Variants in TMEM232 observed in about 807,000 individuals in gnomAD.
TMEM232 encodes the protein transmembrane protein 232.
Under a neutral mutation model 78.8 loss-of-function variants are expected in TMEM232, and 80 were observed. The observed-to-expected ratio is 1.01, with a 90% CI of 0.85 to 1.22. The LOEUF (loss-of-function observed/expected upper bound fraction) is 1.22. TMEM232 is among the 50% of genes most tolerant of loss of function. TMEM232 has a pLI of 0.00. For synonymous variants in TMEM232, 297 were observed against 254.3 expected (o/e 1.17, Z -1.60); for missense variants, 881 against 742.2 (o/e 1.19, Z -2.17).
At chr5:110,627,945 A>G (rs1784626975) in intron 5 of TMEM232, 65 bp from the exon 6 acceptor site, 2 of 1,074,724 alleles carry the variant, frequency 1.9e-6, no homozygotes, top group Non-Finnish European at 2.7e-6. Flanking sequence ...AAACCATAAG[A>G]AAAATCAACC....
intron 12 of TMEM232, among the ~76,000 whole-genome samples, chr5:110,455,470 T>G (rs1314784296): frequency 6.6e-6 from 1 of 151,968 alleles, no homozygotes; most frequent in Non-Finnish European, 1.5e-5. Flanking sequence ...CTCCACCTCT[T>G]GCGTTCAAGC....
intron 10 of TMEM232, among the ~76,000 whole-genome samples, chr5:110,586,529 A>T (rs1185139162): frequency 6.6e-6 from 1 of 151,918 alleles, no homozygotes; most frequent in Non-Finnish European, 1.5e-5. Context: ...TACATTTATG[A>T]AATATCAGCA....
At chr5:110,548,857 T>G (rs1472594823) in intron 11 of TMEM232, among the ~76,000 whole-genome samples, 4 of 152,076 alleles carry the variant, frequency 2.6e-5, no homozygotes, top group Non-Finnish European at 4.4e-5. Flanking sequence ...TAGTTATATT[T>G]ATTCACAACA....
At chr5:110,556,360 C>CTTT (rs1561682567) in intron 11 of TMEM232, among the ~76,000 whole-genome samples, 5 of 136,034 alleles carry the variant, frequency 3.7e-5, no homozygotes, top group Non-Finnish European at 3.2e-5. Context: ...CTTCCCTTCC[C>CTTT]CTTCCTTCCT....
At position 110,721,191 on chromosome 5, in the gene TMEM232, AAC is replaced by A. The variant is rs1254832601; in HGVS notation, c.-13+5434_-13+5435del. Among the ~76,000 whole-genome samples the A allele has an allele frequency of 5.9e-5, 9 of 152,242 alleles. No homozygotes were observed. The South Asian group carries it at 1.2e-3, about 21-fold the overall frequency. Reference sequence around the variant, plus strand: ...TAACCTCCTGAATGTAAAAATAATAAACAGTTTCATGGGGCAGTCTTTTACAC... The same window carrying A: ...TAACCTCCTGAATGTAAAAATAATAAAGTTTCATGGGGCAGTCTTTTACAC... On this transcript the variant is annotated intron_variant, in intron 1 of 13. Coordinates refer to ENST00000455884, the MANE Select transcript of TMEM232 (RefSeq NM_001039763.4).
intron 1 of TMEM232, among the ~76,000 whole-genome samples, chr5:110,692,812 C>T (rs146059237): frequency 0.012 from 1,791 of 152,306 alleles, 46 homozygotes; most frequent in African/African-American, 0.04. Context: ...GAAGCTTGAA[C>T]TGGGTAGAGC....
At chr5:110,443,928 G>T (rs1387715969) in intron 12 of TMEM232, among the ~76,000 whole-genome samples, 1 of 152,166 alleles carries the variant, frequency 6.6e-6, no homozygotes, top group African/African-American at 2.4e-5. Flanking sequence ...CCAGTACCCT[G>T]TGCTACTGTG....
Position 110,568,624 on chromosome 5 carries a change from A to C in TMEM232, c.1278T>G (p.Cys426Trp). The C allele has an allele frequency of 6.5e-7, 1 of 1,527,282 alleles. No homozygotes were observed. Among genetic ancestry groups the C allele is most frequent in the Non-Finnish European group, 8.8e-7 (1 of 1,140,304 alleles). The allele number at this position is 1,527,282 out of a possible 1,614,324, so 94.6% of individuals were successfully genotyped here. The change falls in exon 11 of 14, where the codon TGT becomes TGG. Residue 426 changes from cysteine to tryptophan, a missense_variant and splice_region_variant. Cys to Trp is a radical substitution (Grantham distance 215). Coordinates refer to ENST00000455884, the MANE Select transcript of TMEM232 (RefSeq NM_001039763.4). ...EYFSSKMSEN[C>W]DQVVWTGYYG... ...AGTAACCAGTCCAGACTACTTGATC[A>C]CCTGTTTAAAAAGAAAAAGTCTTTG...
chr5:110,552,764 A>G lies in TMEM232; in HGVS notation c.1455+15683T>C, dbSNP rs76526483. Among the ~76,000 whole-genome samples, 1,498 of 152,142 alleles carry G rather than the reference A, an allele frequency of 9.8e-3. 28 individuals carry two copies. Among genetic ancestry groups the G allele is most frequent in the African/African-American group, 0.034 (1,422 of 41,470 alleles). On this transcript the variant is annotated intron_variant, in intron 11 of 13. Transcript: ENST00000455884. ...TATATCTGCAAATATATAATTTATC[A>G]TTAAACATAATTAAGAGAATGAAAA...
chr5:110,540,934 A>G (rs570229063), intron 11 of TMEM232, among the ~76,000 whole-genome samples: 3 of 152,216 alleles, frequency 2.0e-5, no homozygotes, highest in Non-Finnish European at 2.9e-5. Context: ...GGCCATAGCT[A>G]TAATTCATTG....
intron 1 of TMEM232, among the ~76,000 whole-genome samples, chr5:110,697,029 G>A (rs558401310): frequency 8.6e-5 from 13 of 152,018 alleles, no homozygotes; most frequent in African/African-American, 3.1e-4. Context: ...GAGGCATCAC[G>A]CTACCTGACT....
In TMEM232 at chr5:110,672,809, T is replaced by A. The variant is rs528640996; in HGVS notation, c.-12-5445A>T. Among the ~76,000 whole-genome samples, 694 of 152,134 alleles carry A rather than the reference T, an allele frequency of 4.6e-3. 1 individual carries two copies. Among genetic ancestry groups the A allele is most frequent in the Non-Finnish European group, 8.1e-3 (552 of 68,002 alleles). On this transcript the variant is annotated intron_variant, in intron 1 of 13. Coordinates refer to ENST00000455884, the MANE Select transcript of TMEM232 (RefSeq NM_001039763.4). ...AAGCTTGGAGCTATCAGCAAAAGAA[T>A]TTAGTACTATTATTTTTATTGTTAT...
chr5:110,608,196 A>T (rs1024041340), intron 8 of TMEM232, among the ~76,000 whole-genome samples: 3 of 152,000 alleles, frequency 2.0e-5, no homozygotes, highest in African/African-American at 7.2e-5. Context: ...TTACTTGTCT[A>T]TAAAGAAAAT....
intron 12 of TMEM232, among the ~76,000 whole-genome samples, chr5:110,495,827 T>G (rs912268269): frequency 6.6e-6 from 1 of 151,608 alleles, no homozygotes; most frequent in Non-Finnish European, 1.5e-5. Context: ...GGTTTTTTTT[T>G]AATAATGATA....
At chr5:110,508,056 A>C (rs17132176) in intron 12 of TMEM232, among the ~76,000 whole-genome samples, 20 of 152,182 alleles carry the variant, frequency 1.3e-4, no homozygotes, top group Non-Finnish European at 2.4e-4. Context: ...ATGGTTTAGT[A>C]AAATTTCCAC....
intron 1 of TMEM232, among the ~76,000 whole-genome samples, chr5:110,707,850 G>A (rs1314921605): frequency 6.6e-6 from 1 of 152,194 alleles, no homozygotes; most frequent in Non-Finnish European, 1.5e-5. Flanking sequence ...GCACCGTGCA[G>A]AGTCATGAGG....
At chr5:110,549,338 A>C (rs933620592) in intron 11 of TMEM232, among the ~76,000 whole-genome samples, 1 of 152,014 alleles carries the variant, frequency 6.6e-6, no homozygotes, top group African/African-American at 2.4e-5. Context: ...TGAGAGGCCA[A>C]GCAGAGTGGC....
At chr5:110,658,572 T>C (rs1319364048) in intron 2 of TMEM232, among the ~76,000 whole-genome samples, 1 of 152,180 alleles carries the variant, frequency 6.6e-6, no homozygotes, top group African/African-American at 2.4e-5. Flanking sequence ...CCTACTTCCT[T>C]TTCTAAATGA....
intron 8 of TMEM232, among the ~76,000 whole-genome samples, chr5:110,606,940 T>C (rs941760549): frequency 6.6e-6 from 1 of 152,010 alleles, no homozygotes; most frequent in Non-Finnish European, 1.5e-5. Context: ...AGAGAACTAA[T>C]AAGAGAACAA....
Sources: gnomAD v4.1 joint callset for allele counts (sites outside exome capture counted in the v4.1 genomes callset) on GRCh38, gnomAD v4.1.1 for gene constraint, MANE v1.5 for transcripts, NCBI Gene and HGNC (gene_info 2026-07-23, HGNC 2026-07-21) for gene names.